Variants in PSEN1 observed in about 807,000 individuals in gnomAD.
PSEN1 encodes the protein presenilin-1.
PSEN1 carries 15 observed loss-of-function variants against 53.5 expected under a neutral mutation model. The observed-to-expected ratio is 0.28, with a 90% CI of 0.19 to 0.43. The LOEUF (loss-of-function observed/expected upper bound fraction) is 0.43. PSEN1 is among the 20% of genes least tolerant of loss of function. The pLI is 1.00. For missense variants in PSEN1, 387 were observed against 571.2 expected, an observed-to-expected ratio of 0.68 and a Z score of 3.29; for synonymous variants, 208 against 209.8, an observed-to-expected ratio of 0.99 and a Z score of 0.08.
At chr14:73,185,532 CG>C (rs1310247056) in intron 5 of PSEN1, among the ~76,000 whole-genome samples, 1 of 152,050 alleles carries the variant, frequency 6.6e-6, no homozygotes, top group Non-Finnish European at 1.5e-5. Flanking sequence ...TGCAGTGAGC[CG>C]AGATGGCAGC....
At chr14:73,154,355 T>C (rs548858449) in intron 3 of PSEN1, among the ~76,000 whole-genome samples, 1 of 151,988 alleles carries the variant, frequency 6.6e-6, no homozygotes, top group Admixed American at 6.6e-5. Context: ...CCTAGTACTT[T>C]GGGAGGCTGA....
intron 3 of PSEN1, among the ~76,000 whole-genome samples, chr14:73,170,573 A>G (rs1225072596): frequency 6.6e-6 from 1 of 152,248 alleles, no homozygotes; most frequent in African/African-American, 2.4e-5. Flanking sequence ...AACAGAGAGA[A>G]TGGAGCAAGC....
At chr14:73,191,073 T>C (rs1310711932) in intron 6 of PSEN1, among the ~76,000 whole-genome samples, 1 of 152,218 alleles carries the variant, frequency 6.6e-6, no homozygotes, top group African/African-American at 2.4e-5. Flanking sequence ...CTCTTTGTTG[T>C]TAGATGGTGG....
intron 8 of PSEN1, among the ~76,000 whole-genome samples, chr14:73,198,627 A>G (rs1899053068): frequency 6.6e-6 from 1 of 152,178 alleles, no homozygotes. Context: ...GGTGGAAAGT[A>G]ATGGGGGTTT....
chr14:73,202,105 CGCAATCTCAGCTCACT>C (rs1899213063), intron 8 of PSEN1, among the ~76,000 whole-genome samples: 1 of 151,544 alleles, frequency 6.6e-6, no homozygotes, highest in Admixed American at 6.6e-5. Flanking sequence ...AGTGCAGTGG[CGCAATCTCAGCTCACT>C]GCAACCTCCA....
chr14:73,201,277 G>T (rs539774357), intron 8 of PSEN1, among the ~76,000 whole-genome samples: 6 of 152,062 alleles, frequency 3.9e-5, no homozygotes, highest in Admixed American at 3.9e-4. Flanking sequence ...TAGTAGCAAC[G>T]GGGTTTCACC....
In PSEN1 at chr14:73,192,727, T is replaced by G; in HGVS notation, c.632T>G (p.Ile211Ser). 6.2e-7 allele frequency: 1 copy of G among 1,614,110 alleles called. No homozygotes were observed. The change falls in exon 7 of 12, where the codon ATT becomes AGT. Residue 211 changes from isoleucine to serine, a missense_variant. Coordinates refer to ENST00000324501, the MANE Select transcript of PSEN1 (RefSeq NM_000021.4). ...LIWNFGVVGM[I>S]SIHWKGPLRL... ...TGGAATTTTGGTGTGGTGGGAATGATTTCCATTCACTGGAAAGGTCCACTT... is the reference window on the plus strand; with the variant it reads ...TGGAATTTTGGTGTGGTGGGAATGAGTTCCATTCACTGGAAAGGTCCACTT...
chr14:73,209,041 G>C, intron 9 of PSEN1: 1 of 336,068 alleles, frequency 3.0e-6, no homozygotes, highest in Non-Finnish European at 5.9e-6. Context: ...CACCCGGCCA[G>C]GTCATGACAG....
intron 3 of PSEN1, among the ~76,000 whole-genome samples, chr14:73,148,382 A>C (rs1195451655): frequency 6.6e-6 from 1 of 152,060 alleles, no homozygotes; most frequent in Non-Finnish European, 1.5e-5. Flanking sequence ...GTTGTTTATT[A>C]TTTTACCTAT....
At chr14:73,147,044 C>CTTT (rs75227261) in intron 1 of PSEN1, among the ~76,000 whole-genome samples, 1 of 138,340 alleles carries the variant, frequency 7.2e-6, no homozygotes, top group Non-Finnish European at 1.6e-5. Context: ...GTCAGCCATT[C>CTTT]TTTTTTTTTT....
At chr14:73,154,114 G>A (rs1218748419) in intron 3 of PSEN1, among the ~76,000 whole-genome samples, 1 of 151,940 alleles carries the variant, frequency 6.6e-6, no homozygotes, top group Non-Finnish European at 1.5e-5. Context: ...TAACCACGTA[G>A]GCATGTTAAC....
intron 7 of PSEN1, among the ~76,000 whole-genome samples, chr14:73,197,224 C>T (rs143783639): frequency 0.016 from 2,460 of 152,246 alleles, 52 homozygotes; most frequent in East Asian, 0.049. Flanking sequence ...TGAGCCACTG[C>T]GCCCGGCCTA....
chr14:73,173,263 G>A (rs1337913190), intron 4 of PSEN1, among the ~76,000 whole-genome samples: 2 of 152,030 alleles, frequency 1.3e-5, no homozygotes, highest in Admixed American at 1.3e-4. Flanking sequence ...ATAAGCTGTA[G>A]CCAAAAAAAT....
intron 5 of PSEN1, chr14:73,174,298 A>G (rs965646304): frequency 6.4e-6 from 1 of 156,808 alleles, no homozygotes; most frequent in African/African-American, 2.4e-5. Context: ...CAGTGGCACG[A>G]TTTTGGCTCA....
intron 11 of PSEN1, among the ~76,000 whole-genome samples, chr14:73,218,087 T>C (rs1203801754): frequency 1.3e-4 from 10 of 79,306 alleles, no homozygotes; most frequent in Non-Finnish European, 1.7e-4. Context: ...CGCACCTGGC[T>C]TTTTTTTTTT....
rs1400116856 is a variant in PSEN1 at position 73,193,627 on chromosome 14, C to T, written c.769+763C>T. 8.7e-5 allele frequency among the ~76,000 whole-genome samples: 13 copies of T among 148,838 alleles called. 1 individual carries two copies. In the South Asian group the frequency reaches 1.3e-3, roughly 15 times the overall value. ...CAAAATGCTCAATTCATTTTTTAAA[C>T]GATTTTTTTCCTTTATATCTTACTG... On this transcript the variant is annotated intron_variant, in intron 7 of 11. Transcript: ENST00000324501.
intron 5 of PSEN1, among the ~76,000 whole-genome samples, chr14:73,183,389 A>C (rs1898287668): frequency 6.6e-6 from 1 of 152,048 alleles, no homozygotes; most frequent in African/African-American, 2.4e-5. Flanking sequence ...AGGGAAGGTC[A>C]GTAGATAAAC....
At chr14:73,196,767 G>A (rs570130617) in intron 7 of PSEN1, among the ~76,000 whole-genome samples, 101 of 152,040 alleles carry the variant, frequency 6.6e-4, no homozygotes, top group African/African-American at 2.4e-3. Context: ...AAGCCACTGT[G>A]CCTGGCAAGA....
chr14:73,144,094 G>A (rs1401805261), intron 1 of PSEN1, among the ~76,000 whole-genome samples: 1 of 121,286 alleles, frequency 8.2e-6, no homozygotes, highest in Admixed American at 1.1e-4. Context: ...AGGCAGGAAT[G>A]CAGTGGCGTA....
Sources: allele counts gnomAD v4.1 joint callset (sites outside exome capture counted in the v4.1 genomes callset), GRCh38; gene constraint gnomAD v4.1.1; transcripts MANE v1.5; gene names NCBI Gene and HGNC (gene_info 2026-07-23, HGNC 2026-07-21).